Variants in MTHFS observed in about 807,000 individuals in gnomAD.
MTHFS encodes the protein methenyltetrahydrofolate synthetase, also known as 5-formyltetrahydrofolate cyclo-ligase.
Under a neutral mutation model 12.7 loss-of-function variants are expected in MTHFS, and 7 were observed. The observed-to-expected ratio is 0.55, with a 90% CI of 0.31 to 1.03. The LOEUF is 1.03. MTHFS is among the 50% of genes least tolerant of loss of function. The pLI is 0.05. For missense variants in MTHFS, 252 were observed against 258.1 expected (o/e 0.98, Z 0.16); for synonymous variants, 100 against 97.1 (o/e 1.03, Z -0.18).
intron 2 of MTHFS, among the ~76,000 whole-genome samples, chr15:79,853,961 CTTAAT>C (rs1333067456): frequency 6.6e-6 from 1 of 152,184 alleles, no homozygotes; most frequent in Non-Finnish European, 1.5e-5. Context: ...GCAAACATGA[CTTAAT>C]TTAATCTTCC....
At chr15:79,896,839 C>A in intron 1 of MTHFS, 33 bp downstream of exon 1, 1 of 1,538,834 alleles carries the variant, frequency 6.5e-7, no homozygotes, top group Admixed American at 2.0e-5. Flanking sequence ...GAGGGTCTGT[C>A]CGCCGCGGCT....
intron 2 of MTHFS, among the ~76,000 whole-genome samples, chr15:79,871,100 T>C (rs1246645846): frequency 6.6e-6 from 1 of 151,796 alleles, no homozygotes. Flanking sequence ...CCAAGATTGC[T>C]CCATTCGACT....
chr15:79,891,434 G>T (rs917897306), intron 1 of MTHFS, among the ~76,000 whole-genome samples: 26 of 152,134 alleles, frequency 1.7e-4, no homozygotes, highest in African/African-American at 6.0e-4. Flanking sequence ...CACTCAAGAA[G>T]ATAACTGCAT....
At chr15:79,863,181 T>C (rs1162411729) in intron 2 of MTHFS, among the ~76,000 whole-genome samples, 1 of 152,200 alleles carries the variant, frequency 6.6e-6, no homozygotes, top group Non-Finnish European at 1.5e-5. Context: ...ACTTGTTCTA[T>C]CCTCTCCATT....
At chr15:79,845,877 G>A (rs1166168047) in intron 2 of MTHFS, among the ~76,000 whole-genome samples, 1 of 152,178 alleles carries the variant, frequency 6.6e-6, no homozygotes, top group African/African-American at 2.4e-5. Flanking sequence ...GGGTCAGTGA[G>A]CAGAAAGAGA....
chr15:79,859,008 T>C (rs948280331), intron 2 of MTHFS, among the ~76,000 whole-genome samples: 1 of 152,154 alleles, frequency 6.6e-6, no homozygotes, highest in African/African-American at 2.4e-5. Flanking sequence ...CTTAACAATA[T>C]ACTTAACAGG....
intron 2 of MTHFS, among the ~76,000 whole-genome samples, chr15:79,847,751 T>C (rs1163978434): frequency 6.7e-6 from 1 of 149,460 alleles, no homozygotes; most frequent in South Asian, 2.1e-4. Flanking sequence ...TATGAAAATA[T>C]ACTCAACATC....
At position 79,844,960 on chromosome 15, in the gene MTHFS, C is replaced by T. The variant is rs1391445906; in HGVS notation, c.*250G>A. 1 of 533,042 alleles carries T rather than the reference C, an allele frequency of 1.9e-6. No individual in the cohort carries two copies. Among genetic ancestry groups the T allele is most frequent in the Admixed American group, 3.6e-5 (1 of 28,036 alleles). The allele number at this position is 533,042 out of a possible 1,614,324, so 33.0% of individuals were successfully genotyped here. A position where few individuals can be genotyped will look rare whatever the true frequency, so the allele number is the denominator to read the frequency against. On this transcript the variant is annotated 3_prime_UTR_variant, in exon 3 of 3. Coordinates refer to ENST00000258874, the MANE Select transcript of MTHFS (RefSeq NM_006441.4). ...GCAAAGTAGACAGATCAACTTGTCA[C>T]ATTAACACCAGGAAGTTAAGCTGAA...
At chr15:79,880,879 C>T (rs992410580) in intron 2 of MTHFS, among the ~76,000 whole-genome samples, 1 of 151,478 alleles carries the variant, frequency 6.6e-6, no homozygotes, top group Non-Finnish European at 1.5e-5. Context: ...GCTGAGGTGT[C>T]AAAATACAGG....
chr15:79,889,579 G>A (rs559326960), intron 1 of MTHFS, among the ~76,000 whole-genome samples: 2 of 152,128 alleles, frequency 1.3e-5, no homozygotes, highest in African/African-American at 2.4e-5. Context: ...TCCCTTCCTG[G>A]TACACCCACT....
At chr15:79,863,047 C>T (rs543574199) in intron 2 of MTHFS, among the ~76,000 whole-genome samples, 1 of 152,322 alleles carries the variant, frequency 6.6e-6, no homozygotes, top group South Asian at 2.1e-4. Flanking sequence ...CCCCAACCCC[C>T]TACATCTCCT....
intron 2 of MTHFS, among the ~76,000 whole-genome samples, chr15:79,883,328 A>C (rs1267707018): frequency 6.6e-5 from 10 of 152,214 alleles, no homozygotes; most frequent in Non-Finnish European, 1.5e-5. Context: ...AAGTGTTGAT[A>C]ATCTATTCAT....
rs1340961162 is a variant in MTHFS, at chr15:79,852,495, T to C, written c.380-7053A>G. Among the ~76,000 whole-genome samples, 5 of 152,342 alleles carry C rather than the reference T, an allele frequency of 3.3e-5. No individual in the cohort carries two copies. The East Asian group carries it at 9.6e-4, about 29-fold the overall frequency. ...TTACATTGTAAACATACCTTCACTC[T>C]TTCTGCTATGAATGGTCACAACCTA... On this transcript the variant is annotated intron_variant, in intron 2 of 2. Coordinates refer to ENST00000258874, the MANE Select transcript of MTHFS (RefSeq NM_006441.4).
chr15:79,853,036 T>C (rs1189439744), intron 2 of MTHFS, among the ~76,000 whole-genome samples: 1 of 152,120 alleles, frequency 6.6e-6, no homozygotes, highest in African/African-American at 2.4e-5. Flanking sequence ...TAGAAAAATA[T>C]CAAGGACAAG....
chr15:79,867,862 G>GAGACCTAC (rs2034039024), intron 2 of MTHFS, among the ~76,000 whole-genome samples: 1 of 152,182 alleles, frequency 6.6e-6, no homozygotes. Flanking sequence ...AGTCAATACA[G>GAGACCTAC]AGACCTACAA....
chr15:79,889,474 AGG>A, intron 1 of MTHFS, 120 bp from the exon 2 acceptor site: 7 of 1,226,866 alleles, frequency 5.7e-6, no homozygotes, highest in African/African-American at 1.7e-5. Context: ...AGAAAAAAAA[AGG>A]GGGGGGGACC....
intron 2 of MTHFS, among the ~76,000 whole-genome samples, chr15:79,854,120 A>C (rs1304548934): frequency 6.6e-6 from 1 of 152,138 alleles, no homozygotes; most frequent in African/African-American, 2.4e-5. Context: ...AGCGCTGCTT[A>C]TTTGCCTTGG....
At chr15:79,875,162 T>C (rs2034170142) in intron 2 of MTHFS, among the ~76,000 whole-genome samples, 1 of 152,098 alleles carries the variant, frequency 6.6e-6, no homozygotes, top group East Asian at 1.9e-4. Context: ...TATAAAAGTA[T>C]TAATTTCGAG....
chr15:79,850,421 T>C (rs1177131032), intron 2 of MTHFS, among the ~76,000 whole-genome samples: 3 of 152,228 alleles, frequency 2.0e-5, no homozygotes, highest in Non-Finnish European at 1.5e-5. Flanking sequence ...GTAAATAATT[T>C]AGGCTTTGCA....
Sources: allele counts gnomAD v4.1 joint callset (sites outside exome capture counted in the v4.1 genomes callset), GRCh38; gene constraint gnomAD v4.1.1; transcripts MANE v1.5; gene names NCBI Gene and HGNC (gene_info 2026-07-23, HGNC 2026-07-21).